DLGAP1: variants seen among roughly 807,000 people sequenced by gnomAD.
DLGAP1 encodes the protein disks large-associated protein 1.
In DLGAP1, 11 loss-of-function variants were observed where a neutral mutation model predicts 90.8. The ratio of observed to expected loss-of-function variants is 0.12; its 90% CI spans 0.08 to 0.20. The LOEUF is 0.20. Among genes scored for constraint, DLGAP1 ranks in the 10% least tolerant of loss-of-function variants. The pLI is 1.00. For synonymous variants in DLGAP1, 558 were observed against 540.7 expected (o/e 1.03, Z -0.44); for missense variants, 1,050 against 1,333.8 (o/e 0.79, Z 3.31).
At chr18:4,437,427 C>G (rs2083427388) in intron 1 of DLGAP1, among the ~76,000 whole-genome samples, 1 of 152,174 alleles carries the variant, frequency 6.6e-6, no homozygotes, top group Non-Finnish European at 1.5e-5. Flanking sequence ...ATGCCCAAGT[C>G]TCTGGTATAA....
chr18:3,880,208 G>GAGCAAGACCCTGTAAA, intron 3 of DLGAP1, 68 bp from the exon 4 acceptor site: 2 of 780,314 alleles, frequency 2.6e-6, no homozygotes, highest in Non-Finnish European at 2.1e-6. Flanking sequence ...GCACTTTACA[G>GAGCAAGACCCTGTAAA]GGTCTTGCTC....
At chr18:3,624,227 C>T (rs1258585042) in intron 7 of DLGAP1, among the ~76,000 whole-genome samples, 2 of 152,202 alleles carry the variant, frequency 1.3e-5, no homozygotes, top group Non-Finnish European at 2.9e-5. Context: ...GCGCCTGTGA[C>T]CTGGGCGTGA....
At chr18:3,719,640 A>G (rs1246224482) in intron 7 of DLGAP1, among the ~76,000 whole-genome samples, 2 of 151,144 alleles carry the variant, frequency 1.3e-5, no homozygotes, top group African/African-American at 2.4e-5. Flanking sequence ...GATATTGTTG[A>G]GATGTAACTG....
chr18:4,064,243 C>G (rs1343979415), intron 2 of DLGAP1, among the ~76,000 whole-genome samples: 1 of 151,812 alleles, frequency 6.6e-6, no homozygotes, highest in Non-Finnish European at 1.5e-5. Flanking sequence ...GTTCTTATCA[C>G]AAAACTATAT....
intron 2 of DLGAP1, among the ~76,000 whole-genome samples, chr18:4,055,542 G>GC (rs1696739336): frequency 6.6e-6 from 1 of 151,672 alleles, no homozygotes; most frequent in Admixed American, 6.6e-5. Flanking sequence ...TGCAGTATTT[G>GC]TTTTTTTTGT....
intron 3 of DLGAP1, among the ~76,000 whole-genome samples, chr18:3,963,766 G>A (rs2073258736): frequency 6.6e-6 from 1 of 151,960 alleles, no homozygotes; most frequent in Non-Finnish European, 1.5e-5. Context: ...GATCTCTAGT[G>A]TAAGCCCCTT....
chr18:3,970,381 C>T (rs936729122), intron 3 of DLGAP1, among the ~76,000 whole-genome samples: 1 of 152,018 alleles, frequency 6.6e-6, no homozygotes, highest in East Asian at 1.9e-4. Context: ...CTTATTGAAG[C>T]CATTAGGATC....
chr18:3,527,076 A>G (rs1398622168), intron 10 of DLGAP1, among the ~76,000 whole-genome samples: 1 of 152,222 alleles, frequency 6.6e-6, no homozygotes, highest in Non-Finnish European at 1.5e-5. Context: ...GGAAAACAGT[A>G]ACTCCAGGCA....
chr18:3,904,603 G>T (rs2071855508), intron 3 of DLGAP1, among the ~76,000 whole-genome samples: 1 of 152,156 alleles, frequency 6.6e-6, no homozygotes, highest in African/African-American at 2.4e-5. Context: ...GATGATTAAA[G>T]AATCTATTCA....
At chr18:4,208,940 G>C (rs984977091) in intron 1 of DLGAP1, among the ~76,000 whole-genome samples, 9 of 152,190 alleles carry the variant, frequency 5.9e-5, no homozygotes, top group Non-Finnish European at 1.0e-4. Flanking sequence ...AGAAAGCAGA[G>C]AGAGCTCCCA....
At chr18:3,570,190 T>C (rs1305139024) in intron 8 of DLGAP1, among the ~76,000 whole-genome samples, 1 of 151,998 alleles carries the variant, frequency 6.6e-6, no homozygotes. Context: ...TTCCCAGGTG[T>C]ATCCCTGTCA....
chr18:3,741,365 TCAC>T (rs1298633215), intron 6 of DLGAP1, among the ~76,000 whole-genome samples: 15 of 119,152 alleles, frequency 1.3e-4, no homozygotes, highest in African/African-American at 5.1e-4. Context: ...CACATCACCA[TCAC>T]CACCACCATC....
At chr18:4,451,211 T>A (rs999509654) in intron 1 of DLGAP1, among the ~76,000 whole-genome samples, 2 of 152,168 alleles carry the variant, frequency 1.3e-5, no homozygotes, top group Non-Finnish European at 2.9e-5. Flanking sequence ...TCCTGTGCAA[T>A]ACCAACCTCT....
intron 2 of DLGAP1, among the ~76,000 whole-genome samples, chr18:4,024,629 T>C (rs1009379283): frequency 6.6e-6 from 1 of 152,148 alleles, no homozygotes; most frequent in Non-Finnish European, 1.5e-5. Context: ...TGCAATTCTT[T>C]TATGTACCCA....
chr18:3,633,463 C>T (rs183061825), intron 7 of DLGAP1, among the ~76,000 whole-genome samples: 4 of 149,962 alleles, frequency 2.7e-5, no homozygotes, highest in African/African-American at 9.8e-5. Context: ...AGGGGGAGTG[C>T]TTTGCATGCT....
chr18:3,897,940 GCC>G (rs2071677789), intron 3 of DLGAP1, among the ~76,000 whole-genome samples: 1 of 151,414 alleles, frequency 6.6e-6, no homozygotes, highest in Non-Finnish European at 1.5e-5. Flanking sequence ...GACTACAGGC[GCC>G]CGCCACCGCG....
Position 3,659,815 on chromosome 18 carries a change from C to T in DLGAP1, c.1591+69320G>A, listed in dbSNP as rs150960759. Among the ~76,000 whole-genome samples, 653 of 152,268 alleles carry T rather than the reference C, an allele frequency of 4.3e-3. 3 individuals carry two copies. Among genetic ancestry groups the T allele is most frequent in the African/African-American group, 0.015 (619 of 41,552 alleles). On this transcript the variant is annotated intron_variant, in intron 7 of 12. Transcript: ENST00000315677. ...TCTTGACCTCATGATCCGCCTGCCT[C>T]GGCCTCCCAAAGTGCTGGGATTACA...
chr18:3,508,766 G>GCA (rs1300945743), intron 10 of DLGAP1, 105 bp from the exon 11 acceptor site: 36 of 830,816 alleles, frequency 4.3e-5, no homozygotes, highest in South Asian at 5.1e-5. Context: ...AGGGAAAATG[G>GCA]CACACACACA....
At chr18:4,368,636 TACACACAC>T (rs55840615) in intron 1 of DLGAP1, among the ~76,000 whole-genome samples, 11,040 of 134,786 alleles carry the variant, frequency 0.082, 513 homozygotes, top group African/African-American at 0.14. Context: ...CTCTCTCTCA[TACACACAC>T]ACACACACAC....
Sources: allele counts gnomAD v4.1 joint callset (sites outside exome capture counted in the v4.1 genomes callset), GRCh38; gene constraint gnomAD v4.1.1; transcripts MANE v1.5; gene names NCBI Gene and HGNC (gene_info 2026-07-23, HGNC 2026-07-21).